The following CETP variants were observed in gnomAD, a reference collection of about 807,000 sequenced individuals.
CETP encodes the protein BPI fold containing family F.
A neutral mutation model predicts 66.5 loss-of-function variants in CETP; 56 were observed. The ratio of observed to expected loss-of-function variants is 0.84; its 90% CI spans 0.68 to 1.05. CETP has a LOEUF of 1.05. Ranked by LOEUF, CETP falls within the 50% of genes least tolerant of loss-of-function variation. The pLI, the probability that CETP is intolerant of heterozygous loss-of-function variation, is 0.00. For synonymous variants in CETP, 251 were observed against 245.7 expected, an observed-to-expected ratio of 1.02 and a Z score of -0.20; for missense variants, 612 against 609.6, an observed-to-expected ratio of 1.00 and a Z score of -0.04.
At chr16:56,981,751 G>T in intron 13 of CETP, 71 bp downstream of exon 13, 1 of 1,507,128 alleles carries the variant, frequency 6.6e-7, no homozygotes, top group Non-Finnish European at 9.2e-7. Flanking sequence ...AGCAGGCGGA[G>T]GGCCCTAAAG....
chr16:56,962,958 C>G, intron 1 of CETP, 52 bp from the exon 2 acceptor site: 1 of 1,508,580 alleles, frequency 6.6e-7, no homozygotes, highest in Admixed American at 1.7e-5. Flanking sequence ...GGGGTGGGAG[C>G]AGGGGGCTTG....
Position 56,971,361 on chromosome 16 carries a change from A to G in CETP, c.638A>G (p.Asp213Gly). 2 of 1,613,964 alleles carry G rather than the reference A, an allele frequency of 1.2e-6. No individual in the cohort carries two copies. Among genetic ancestry groups the G allele is most frequent in the Non-Finnish European group, 1.7e-6 (2 of 1,179,986 alleles). Residue 213 changes from aspartate (D) to glycine (G), a missense_variant, in exon 7 of 16, where the codon GAT (aspartate) becomes GGT (glycine). By Grantham distance (94) the Asp-to-Gly change is moderately conservative. Coordinates refer to ENST00000200676, the MANE Select transcript of CETP (RefSeq NM_000078.3). ...EINVISNIMADFVQTRAASIL... is the reference protein window; with the variant it reads ...EINVISNIMAGFVQTRAASIL... ...AACGTCATCTCTAACATCATGGCCGATTTTGTCCAGACAAGGGCTGGTGAG... is the reference window on the plus strand; with the variant it reads ...AACGTCATCTCTAACATCATGGCCGGTTTTGTCCAGACAAGGGCTGGTGAG...
Position 56,963,123 on chromosome 16 carries a change from A to G in CETP, c.232A>G (p.Asn78Asp). The change falls in exon 2 of 16, where the codon AAC (asparagine) becomes GAC (aspartate). Residue 78 changes from asparagine (N) to aspartate (D), a missense_variant and splice_region_variant. Transcript: ENST00000200676. ...TGGCCAAGTCAAGTATGGGTTGCAC[A>G]AGTGAGTCGGGCCTCGGGTGTGACC... ...LLGQVKYGLH[N>D]IQISHLSIAS... 6.2e-7 allele frequency: 1 copy of G among 1,613,350 alleles called. No individual in the cohort carries two copies.
Position 56,982,095 on chromosome 16 carries a change from C to T in CETP, c.1249-70C>T, listed in dbSNP as rs35172227. 4,095 of 1,386,372 alleles carry T rather than the reference C, an allele frequency of 3.0e-3. 8 individuals carry two copies. The highest frequency in any genetic ancestry group is 3.7e-3 in the Non-Finnish European group (3,604 of 971,654). 85.9% of individuals were successfully genotyped at this position (1,386,372 alleles called of 1,614,324 possible). A position where few individuals can be genotyped will look rare whatever the true frequency, so the allele number is the denominator to read the frequency against. On this transcript the variant is annotated intron_variant, in intron 13 of 15. Coordinates refer to ENST00000200676, the MANE Select transcript of CETP (RefSeq NM_000078.3). Reference sequence around the variant, plus strand: ...CATGAGGATGAATGCTTGTCCAGGCCGTGCAGCATCTGCCTTGTGGGTCAC... The same window carrying T: ...CATGAGGATGAATGCTTGTCCAGGCTGTGCAGCATCTGCCTTGTGGGTCAC...
intron 10 of CETP, among the ~76,000 whole-genome samples, chr16:56,975,911 C>G (rs2056146998): frequency 6.6e-6 from 1 of 152,210 alleles, no homozygotes. Context: ...CAGTCGCAAC[C>G]CACTCACCCA....
chr16:56,969,873 T>G, intron 4 of CETP, 41 bp from the exon 5 acceptor site: 1 of 1,600,672 alleles, frequency 6.2e-7, no homozygotes, highest in Non-Finnish European at 8.5e-7. Flanking sequence ...TACCATCTGA[T>G]AGCGGAGGCT....
Position 56,969,444 on chromosome 16 carries a change from T to A in CETP, c.292T>A (p.Ser98Thr). The A allele has an allele frequency of 6.2e-7, 1 of 1,614,164 alleles. No homozygotes were observed. The highest frequency in any genetic ancestry group is 8.5e-7 in the Non-Finnish European group (1 of 1,180,034). ...CCAGGTGGAGCTGGTGGAAGCCAAG[T>A]CCATTGATGTCTCCATTCAGAACGT... ...SSQVELVEAK[S>T]IDVSIQNVSV... The change falls in exon 3 of 16, where the codon TCC (serine) becomes ACC (threonine). Residue 98 changes from serine to threonine, a missense_variant. Physicochemically the swap from Ser to Thr is moderately conservative, Grantham distance 58 (BLOSUM62 1). Coordinates refer to ENST00000200676, the MANE Select transcript of CETP (RefSeq NM_000078.3).
intron 11 of CETP, among the ~76,000 whole-genome samples, chr16:56,980,699 G>A (rs535739018): frequency 2.0e-5 from 3 of 152,188 alleles, no homozygotes; most frequent in East Asian, 3.9e-4. Flanking sequence ...TGAGGTGGGT[G>A]GATCACATGG....
chr16:56,978,172 G>A lies in CETP; in HGVS notation c.1063G>A (p.Val355Ile). ...CAAGATCTCCTGCCAAAACAAGGGA[G>A]TCGTGGTCAATTCTTCAGTGATGGT... Reference protein sequence around the residue: ...MPKISCQNKGVVVNSSVMVKF... With the variant: ...MPKISCQNKGIVVNSSVMVKF... Residue 355 changes from valine (V) to isoleucine (I), a missense_variant, in exon 11 of 16, where the codon GTC (valine) becomes ATC (isoleucine). Val to Ile is a conservative substitution (Grantham distance 29). Transcript: ENST00000200676. 1 of 1,614,244 alleles carries A rather than the reference G, an allele frequency of 6.2e-7. No individual in the cohort carries two copies. Among genetic ancestry groups the A allele is most frequent in the African/African-American group, 1.3e-5 (1 of 75,060 alleles).
chr16:56,972,301 GC>G (rs1386068933), intron 8 of CETP, among the ~76,000 whole-genome samples: 1 of 152,186 alleles, frequency 6.6e-6, no homozygotes, highest in Non-Finnish European at 1.5e-5. Flanking sequence ...CACCAGGGCT[GC>G]CCACTACAAG....
At position 56,963,029 on chromosome 16, in the gene CETP, G is replaced by A; in HGVS notation, c.138G>A (p.Lys46=). 1 of 1,614,164 alleles carries A rather than the reference G, an allele frequency of 6.2e-7. No homozygotes were observed. Among genetic ancestry groups the A allele is most frequent in the Non-Finnish European group, 8.5e-7 (1 of 1,179,992 alleles). The part of the protein sequence containing the change: ...ALLVLNHETA[K]VIQTAFQRAS... ...CTCTAGTGAACCACGAGACTGCCAA[G>A]GTGATCCAGACCGCCTTCCAGCGAG... is the stretch of plus-strand genomic sequence containing the variant. Residue 46 remains lysine (K), a synonymous_variant, in exon 2 of 16, where the codon AAG becomes AAA. Transcript: ENST00000200676.
At chr16:56,982,578 C>T (rs2056196591) in intron 14 of CETP, among the ~76,000 whole-genome samples, 1 of 152,348 alleles carries the variant, frequency 6.6e-6, no homozygotes, top group South Asian at 2.1e-4. Context: ...CAGCCCTGAA[C>T]CTCAGTTTCC....
At chr16:56,966,607 G>C (rs1365719929) in intron 2 of CETP, among the ~76,000 whole-genome samples, 2 of 151,640 alleles carry the variant, frequency 1.3e-5, no homozygotes, top group East Asian at 3.9e-4. Flanking sequence ...TTGTTTTTTT[G>C]TTTGTTTTTG....
In CETP at chr16:56,983,487, G is replaced by A. The variant is rs149068778; in HGVS notation, c.1407+76G>A. 5.8e-5 allele frequency: 92 copies of A among 1,595,684 alleles called. No homozygotes were observed. The East Asian group carries it at 2.0e-3, about 35-fold the overall frequency. On this transcript the variant is annotated intron_variant, in intron 15 of 15. Coordinates refer to ENST00000200676, the MANE Select transcript of CETP (RefSeq NM_000078.3). ...AGACAGGATTCCTGGGGTGACTGGG[G>A]GCTGTTGGGGAGACAGACAGAGGGG...
chr16:56,980,981 C>A (rs1261054077), intron 11 of CETP, among the ~76,000 whole-genome samples, 177 bp from the exon 12 acceptor site: 19 of 152,156 alleles, frequency 1.2e-4, no homozygotes, highest in Admixed American at 1.2e-3. Context: ...ACCCCAAAGC[C>A]ACAGGTGCTG....
At chr16:56,965,682 G>A (rs189346131) in intron 2 of CETP, among the ~76,000 whole-genome samples, 99 of 152,310 alleles carry the variant, frequency 6.5e-4, no homozygotes, top group South Asian at 3.1e-3. Flanking sequence ...TGTTTGGTAC[G>A]TGATGGCCGC....
rs1323326418 is a variant in CETP, at chr16:56,975,105, T to C, written c.935T>C (p.Val312Ala). 1.2e-6 allele frequency: 2 copies of C among 1,614,130 alleles called. No individual in the cohort carries two copies. The highest frequency in any genetic ancestry group is 8.5e-7 in the Non-Finnish European group (1 of 1,179,984). Residue 312 changes from valine to alanine, a missense_variant, in exon 10 of 16, where the codon GTG (valine) becomes GCG (alanine). Val to Ala is a moderately conservative substitution (Grantham distance 64, BLOSUM62 0). Coordinates refer to ENST00000200676, the MANE Select transcript of CETP (RefSeq NM_000078.3). ...LSLMGDEFKA[V>A]LETWGFNTNQ... is the part of the protein sequence containing the mutation. ...AACTTCCTCATTTCTTTTCAGGCAG[T>C]GCTGGAGACCTGGGGCTTCAACACC...
Position 56,983,494 on chromosome 16 carries a change from G to T in CETP, c.1407+83G>T, listed in dbSNP as rs186909199. 44 of 1,594,926 alleles carry T rather than the reference G, an allele frequency of 2.8e-5. No homozygotes were observed. The African/African-American group carries it at 4.2e-4, about 15-fold the overall frequency. On this transcript the variant is annotated intron_variant, in intron 15 of 15. Coordinates refer to ENST00000200676, the MANE Select transcript of CETP (RefSeq NM_000078.3). The stretch of plus-strand genomic sequence containing the variant: ...ATTCCTGGGGTGACTGGGGGCTGTT[G>T]GGGAGACAGACAGAGGGGCCTCTAC...
At chr16:56,981,541 CTA>C in intron 12 of CETP, 104 bp from the exon 13 acceptor site, 1 of 1,321,998 alleles carries the variant, frequency 7.6e-7, no homozygotes, top group Non-Finnish European at 1.1e-6. Flanking sequence ...AGGGCCTGAG[CTA>C]TGAGACAGAA....
Sources: allele counts gnomAD v4.1 joint callset (sites outside exome capture counted in the v4.1 genomes callset), GRCh38; gene constraint gnomAD v4.1.1; transcripts MANE v1.5; gene names NCBI Gene and HGNC (gene_info 2026-07-23, HGNC 2026-07-21).